The following CACNA1A variants were observed in gnomAD, a reference collection of about 807,000 sequenced individuals.
The protein encoded by CACNA1A is voltage-dependent P/Q-type calcium channel subunit alpha-1A.
Under a neutral mutation model 262.4 loss-of-function variants are expected in CACNA1A, and 57 were observed. The ratio of observed to expected loss-of-function variants is 0.22; its 90% CI spans 0.18 to 0.27. The LOEUF is 0.27. Among genes scored for constraint, CACNA1A ranks in the 10% least tolerant of loss-of-function variants. The pLI, the probability that CACNA1A is intolerant of heterozygous loss-of-function variation, is 1.00. For missense variants in CACNA1A, 2,526 were observed against 3,562.8 expected, an observed-to-expected ratio of 0.71 and a Z score of 7.41; for synonymous variants, 1,431 against 1,419.3, an observed-to-expected ratio of 1.01 and a Z score of -0.18.
chr19:13,428,208 G>A (rs1486185032), intron 3 of CACNA1A, among the ~76,000 whole-genome samples: 3 of 150,044 alleles, frequency 2.0e-5, no homozygotes, highest in Non-Finnish European at 4.4e-5. Context: ...GATTATAGGC[G>A]TGAGCCACTG....
intron 6 of CACNA1A, among the ~76,000 whole-genome samples, chr19:13,350,590 CAA>C (rs1276978271): frequency 1.3e-5 from 2 of 152,210 alleles, no homozygotes; most frequent in African/African-American, 4.8e-5. Context: ...AGATATCATG[CAA>C]AGTCTTTTAA....
At chr19:13,300,777 C>T (rs955461244) in intron 17 of CACNA1A, 121 bp from the exon 18 acceptor site, 13 of 790,806 alleles carry the variant, frequency 1.6e-5, no homozygotes, top group African/African-American at 5.1e-5. Context: ...AACCAAGGCT[C>T]CCCAATTGGA....
At chr19:13,362,120 C>T (rs2145257992) in intron 5 of CACNA1A, 1 of 151,938 alleles carries the variant, frequency 6.6e-6, no homozygotes, top group African/African-American at 2.4e-5. Flanking sequence ...CCTCCAATTC[C>T]TGGGCTCAAG....
At chr19:13,279,429 A>T (rs772988344) in intron 22 of CACNA1A, among the ~76,000 whole-genome samples, 35 of 152,080 alleles carry the variant, frequency 2.3e-4, no homozygotes, top group Non-Finnish European at 4.1e-4. Flanking sequence ...GTTGACAAGG[A>T]TGTGGAAGAA....
intron 38 of CACNA1A, among the ~76,000 whole-genome samples, chr19:13,221,234 C>CTTTCTTT (rs1555734435): frequency 2.8e-5 from 1 of 36,298 alleles, no homozygotes; most frequent in Admixed American, 4.5e-4. Flanking sequence ...TTCTTTCTTT[C>CTTTCTTT]TTTTTTTTTT....
In CACNA1A at chr19:13,298,826, T is replaced by A. The variant is rs1179931638; in HGVS notation, c.2807A>T (p.Gln936Leu). The change falls in exon 19 of 47, where the codon CAG becomes CTG. Residue 936 changes from glutamine to leucine, a missense_variant. This residue lies in a region of CACNA1A where 765 missense variants were observed against 748.6 expected (regional missense o/e 1.02). Coordinates refer to ENST00000360228, the MANE Select transcript of CACNA1A (RefSeq NM_001127222.2). ...GDPHRRHVHRQGGSRESRSGS... is the reference protein window; with the variant it reads ...GDPHRRHVHRLGGSRESRSGS... Reference sequence around the variant, plus strand: ...GCTGCGGCTCTCCCTGCTGCCCCCCTGCCGGTGCACGTGCCTCCGGTGGGG... The same window carrying A: ...GCTGCGGCTCTCCCTGCTGCCCCCCAGCCGGTGCACGTGCCTCCGGTGGGG... 1 of 1,575,302 alleles carries A rather than the reference T, an allele frequency of 6.3e-7. No individual in the cohort carries two copies. The highest frequency in any genetic ancestry group is 1.4e-5 in the African/African-American group (1 of 72,652).
intron 3 of CACNA1A, among the ~76,000 whole-genome samples, chr19:13,440,741 G>A (rs55760141): frequency 0.089 from 13,600 of 152,242 alleles, 1,048 homozygotes; most frequent in South Asian, 0.31. Context: ...ACCCAGCCCA[G>A]CATGGGTCAG....
At chr19:13,249,669 A>T (rs777024731) in intron 30 of CACNA1A, among the ~76,000 whole-genome samples, 25 of 151,916 alleles carry the variant, frequency 1.6e-4, no homozygotes, top group Non-Finnish European at 3.2e-4. Flanking sequence ...GCATTTATTG[A>T]GTGCCCATGC....
intron 30 of CACNA1A, 28 bp downstream of exon 30, chr19:13,252,963 A>AAGCCCG: frequency 6.8e-7 from 1 of 1,478,760 alleles, no homozygotes; most frequent in South Asian, 1.1e-5. Context: ...TCCCAAGCCC[A>AAGCCCG]TAGCTGTAGC....
At chr19:13,293,011 G>A (rs1319036872) in intron 19 of CACNA1A, among the ~76,000 whole-genome samples, 2 of 152,266 alleles carry the variant, frequency 1.3e-5, no homozygotes, top group African/African-American at 4.8e-5. Flanking sequence ...CTGGCCAGCT[G>A]AGGCTATGGG....
rs1374270502 is a variant in CACNA1A, at chr19:13,208,000, A to G, written c.6834T>C (p.Thr2278=). 7.5e-7 allele frequency: 1 copy of G among 1,330,784 alleles called. No individual in the cohort carries two copies. The highest frequency in any genetic ancestry group is 3.1e-5 in the East Asian group (1 of 32,412). The allele number at this position is 1,330,784 out of a possible 1,614,324, so 82.4% of individuals were successfully genotyped here. A position where few individuals can be genotyped will look rare whatever the true frequency, so the allele number is the denominator to read the frequency against. Residue 2278 remains threonine, a synonymous_variant, in exon 47 of 47, where the codon ACT becomes ACC. Transcript: ENST00000360228. The surrounding 1 kb of genome is among the most constrained non-coding windows in gnomAD (Gnocchi z 5.7). ...SPAPSTSGTS[T]PRRGRRQLPQ... ...GGAGCTGGCGGCGGCCCCGCCGCGG[A>G]GTGCTGGTACCAGATGTTGAGGGGG...
intron 24 of CACNA1A, among the ~76,000 whole-genome samples, chr19:13,267,138 G>A (rs189764524): frequency 4.6e-5 from 7 of 152,100 alleles, no homozygotes; most frequent in Non-Finnish European, 7.4e-5. Context: ...ATGAGAGAGA[G>A]AGAGAGAGAA....
intron 24 of CACNA1A, among the ~76,000 whole-genome samples, chr19:13,264,240 C>A (rs1161188547): frequency 6.6e-6 from 1 of 152,136 alleles, no homozygotes; most frequent in Admixed American, 6.5e-5. Flanking sequence ...ATCCAGTTGT[C>A]CACACCAGAA....
Position 13,207,960 on chromosome 19 carries a change from T to G in CACNA1A, c.6874A>C (p.Thr2292Pro), listed in dbSNP as rs867031513. ...GRRQLPQTPSTPRPHVSYSPV... is the reference protein window; with the variant it reads ...GRRQLPQTPSPPRPHVSYSPV... Reference sequence around the variant, plus strand: ...GAATAGGACACGTGTGGCCGGGGGGTGGAGGGGGTCTGGGGGAGCTGGCGG... The same window carrying G: ...GAATAGGACACGTGTGGCCGGGGGGGGGAGGGGGTCTGGGGGAGCTGGCGG... The change falls in exon 47 of 47, where the codon ACC (threonine) becomes CCC (proline). Residue 2292 changes from threonine (T) to proline (P), a missense_variant. Thr to Pro is a conservative substitution (Grantham distance 38). This residue lies in a region of CACNA1A where 929 missense variants were observed against 868.1 expected (regional missense o/e 1.07). Transcript: ENST00000360228. The surrounding 1 kb of genome is among the most constrained non-coding windows in gnomAD (Gnocchi z 5.7). 3.0e-4 allele frequency: 333 copies of G among 1,121,108 alleles called. No individual in the cohort carries two copies. Among genetic ancestry groups the G allele is most frequent in the South Asian group, 1.5e-3 (52 of 33,692 alleles). 69.4% of individuals were successfully genotyped at this position (1,121,108 alleles called of 1,614,324 possible).
At chr19:13,390,647 C>G (rs1452105487) in intron 3 of CACNA1A, among the ~76,000 whole-genome samples, 1 of 152,130 alleles carries the variant, frequency 6.6e-6, no homozygotes, top group East Asian at 1.9e-4. Context: ...TAGAAGTTAA[C>G]CCCTGATCAA....
chr19:13,403,278 TTGCC>T (rs1445817450), intron 3 of CACNA1A, among the ~76,000 whole-genome samples: 1 of 152,142 alleles, frequency 6.6e-6, no homozygotes, highest in African/African-American at 2.4e-5. Context: ...GTGTTGTTCT[TTGCC>T]TGGGACATTC....
chr19:13,261,206 A>G (rs1381170782), intron 26 of CACNA1A: 5 of 458,688 alleles, frequency 1.1e-5, no homozygotes, highest in Admixed American at 7.4e-5. Flanking sequence ...TATCCCTCAC[A>G]TGACAAAGGC....
At chr19:13,389,198 C>T (rs945185476) in intron 3 of CACNA1A, among the ~76,000 whole-genome samples, 9 of 152,264 alleles carry the variant, frequency 5.9e-5, no homozygotes, top group South Asian at 2.1e-4. Context: ...CCACCGTGCC[C>T]GGCAACAACC....
At position 13,212,542 on chromosome 19, in the gene CACNA1A, C is replaced by T. The variant is rs371831228; in HGVS notation, c.6051-20G>A. The T allele has an allele frequency of 5.5e-5, 85 of 1,551,774 alleles. 1 individual carries two copies. The highest frequency in any genetic ancestry group is 1.7e-4 in the Admixed American group (9 of 51,530). On this transcript the variant is annotated intron_variant, in intron 41 of 46. Transcript: ENST00000360228. The surrounding 1 kb of genome is among the most constrained non-coding windows in gnomAD (Gnocchi z 5.6). Reference sequence around the variant, plus strand: ...GCCATCCTGCATGGGGGACAGAGGCCGGGGTAGCAGTGGGCGCTTGGGCAG... The same window carrying T: ...GCCATCCTGCATGGGGGACAGAGGCTGGGGTAGCAGTGGGCGCTTGGGCAG...
Sources: gnomAD v4.1 joint callset for allele counts (sites outside exome capture counted in the v4.1 genomes callset) on GRCh38, gnomAD v4.1.1 for gene constraint, gnomAD v4.1.1 regional missense constraint, Gnocchi (gnomAD v3.1) non-coding constraint, MANE v1.5 for transcripts, NCBI Gene and HGNC (gene_info 2026-07-23, HGNC 2026-07-21) for gene names.